UBE3D: variants seen among roughly 807,000 people sequenced by gnomAD.
UBE3D encodes E3 ubiquitin-protein ligase E3D.
Under a neutral mutation model 49.6 loss-of-function variants are expected in UBE3D, and 48 were observed. The observed-to-expected ratio is 0.97, with a 90% CI of 0.77 to 1.23. The LOEUF is 1.23. Among genes scored for constraint, UBE3D ranks in the 50% most tolerant of loss-of-function variants. The pLI is 0.00. For synonymous variants in UBE3D, 189 were observed against 174.2 expected, an observed-to-expected ratio of 1.08 and a Z score of -0.67; for missense variants, 452 against 468.4, an observed-to-expected ratio of 0.96 and a Z score of 0.32.
chr6:82,923,298 T>G (rs923479883), intron 9 of UBE3D, among the ~76,000 whole-genome samples: 3 of 152,160 alleles, frequency 2.0e-5, no homozygotes, highest in Non-Finnish European at 4.4e-5. Flanking sequence ...AGCAAAGACT[T>G]GGAACCAACC....
At chr6:82,924,303 T>A (rs1033484346) in intron 9 of UBE3D, among the ~76,000 whole-genome samples, 7 of 152,324 alleles carry the variant, frequency 4.6e-5, no homozygotes, top group African/African-American at 1.7e-4. Flanking sequence ...TATAGGTTGA[T>A]ATGAACGTTT....
chr6:82,970,443 A>G (rs1260968338), intron 8 of UBE3D, among the ~76,000 whole-genome samples: 6 of 152,198 alleles, frequency 3.9e-5, no homozygotes, highest in Non-Finnish European at 5.9e-5. Flanking sequence ...ATGAATTTAC[A>G]AAAAGAGGAC....
intron 8 of UBE3D, among the ~76,000 whole-genome samples, chr6:82,993,760 C>T (rs955576173): frequency 1.3e-5 from 2 of 152,130 alleles, no homozygotes; most frequent in Non-Finnish European, 2.9e-5. Context: ...CAACTTTGGT[C>T]CAATTAATAA....
chr6:82,968,041 G>A (rs1405505226), intron 8 of UBE3D, among the ~76,000 whole-genome samples: 1 of 151,838 alleles, frequency 6.6e-6, no homozygotes, highest in African/African-American at 2.4e-5. Flanking sequence ...TTCAGTTTGG[G>A]GCTATTATAA....
At chr6:83,026,708 A>G (rs1781486390) in intron 5 of UBE3D, among the ~76,000 whole-genome samples, 1 of 152,032 alleles carries the variant, frequency 6.6e-6, no homozygotes, top group African/African-American at 2.4e-5. Flanking sequence ...TTATTTACTT[A>G]TTTAAGACAG....
At chr6:83,007,196 T>A (rs984613332) in intron 8 of UBE3D, among the ~76,000 whole-genome samples, 1 of 152,196 alleles carries the variant, frequency 6.6e-6, no homozygotes, top group East Asian at 1.9e-4. Flanking sequence ...AGTCTCTATA[T>A]TCTACTAAAG....
chr6:82,914,226 T>G (rs1466283691), intron 9 of UBE3D, among the ~76,000 whole-genome samples: 1 of 152,236 alleles, frequency 6.6e-6, no homozygotes, highest in Non-Finnish European at 1.5e-5. Context: ...AGATGCAGTC[T>G]GACTTTTAGA....
intron 9 of UBE3D, chr6:82,924,882 C>T (rs1773630667): frequency 6.6e-6 from 1 of 152,134 alleles, no homozygotes. Context: ...TCTGGTCATG[C>T]TTTTCCTAAG....
intron 9 of UBE3D, among the ~76,000 whole-genome samples, chr6:82,912,093 A>G (rs1772569156): frequency 1.3e-5 from 2 of 151,908 alleles, no homozygotes; most frequent in Non-Finnish European, 1.5e-5. Context: ...ATTAGAACCC[A>G]TTCTTTGGCT....
chr6:83,051,495 T>G, intron 3 of UBE3D, among the ~76,000 whole-genome samples: 1 of 152,228 alleles, frequency 6.6e-6, no homozygotes, highest in East Asian at 1.9e-4. Context: ...TATCCTTTAC[T>G]GTAAGCAGAA....
intron 8 of UBE3D, among the ~76,000 whole-genome samples, chr6:83,007,433 C>A (rs1417158451): frequency 3.9e-5 from 6 of 152,234 alleles, no homozygotes; most frequent in East Asian, 1.9e-4. Flanking sequence ...AAAAACACTT[C>A]TTTACTCCCT....
intron 9 of UBE3D, among the ~76,000 whole-genome samples, chr6:82,955,136 C>T (rs1175306142): frequency 2.0e-5 from 3 of 151,862 alleles, no homozygotes; most frequent in Non-Finnish European, 4.4e-5. Context: ...AGGCTTCATG[C>T]ACCTGTGTTT....
chr6:82,951,149 G>T (rs1775767443), intron 9 of UBE3D, among the ~76,000 whole-genome samples: 2 of 152,184 alleles, frequency 1.3e-5, no homozygotes, highest in African/African-American at 4.8e-5. Context: ...TGAGGTGACA[G>T]ATACCATATT....
intron 4 of UBE3D, 104 bp downstream of exon 4, chr6:83,044,324 C>T (rs1291314009): frequency 9.0e-7 from 1 of 1,115,236 alleles, no homozygotes; most frequent in Non-Finnish European, 1.3e-6. Flanking sequence ...GAATTTTGGC[C>T]TTTACAGCAG....
At position 82,924,493 on chromosome 6, in the gene UBE3D, G is replaced by T. The variant is rs149949109; in HGVS notation, c.1150-31451C>A. Among the ~76,000 whole-genome samples, 86 of 152,172 alleles carry T rather than the reference G, an allele frequency of 5.7e-4. 1 individual carries two copies. In the East Asian group the frequency reaches 0.014, roughly 25 times the overall value. On this transcript the variant is annotated intron_variant, in intron 9 of 9. Coordinates refer to ENST00000369747, the MANE Select transcript of UBE3D (RefSeq NM_198920.3). ...GCATAGTAACTTTGTTTAGTTTCTAGTATCACAAATTCAAAACACTATTTT... is the reference window on the plus strand; with the variant it reads ...GCATAGTAACTTTGTTTAGTTTCTATTATCACAAATTCAAAACACTATTTT...
chr6:82,905,140 T>A (rs1772008062), intron 9 of UBE3D, among the ~76,000 whole-genome samples: 2 of 152,214 alleles, frequency 1.3e-5, no homozygotes, highest in Non-Finnish European at 2.9e-5. Context: ...CCTTTACTAA[T>A]ACAGGCACAT....
chr6:83,065,763 G>A lies in UBE3D; in HGVS notation c.-45C>T, dbSNP rs78551616. On this transcript the variant is annotated 5_prime_UTR_variant, in exon 1 of 10. Transcript: ENST00000369747. ...ACCGGACCAAGCTGGAGGTTCCGAG[G>A]GGCCCGGGTCAACAGGACCAGGAGA... is the stretch of plus-strand genomic sequence containing the variant. 3.5e-3 allele frequency: 5,532 copies of A among 1,569,318 alleles called. 191 individuals carry two copies. The African/African-American group carries it at 0.065, about 18-fold the overall frequency.
intron 8 of UBE3D, among the ~76,000 whole-genome samples, chr6:82,988,507 C>A (rs770086758): frequency 1.6e-4 from 25 of 151,936 alleles, no homozygotes; most frequent in Non-Finnish European, 3.1e-4. Context: ...GCAATGAAGA[C>A]AAATCTCTTA....
chr6:82,922,058 T>C (rs925557048), intron 9 of UBE3D, among the ~76,000 whole-genome samples: 3 of 152,102 alleles, frequency 2.0e-5, no homozygotes, highest in African/African-American at 7.2e-5. Flanking sequence ...AAATAAGAGA[T>C]TGGACATAGT....
Sources: gnomAD v4.1 joint callset for allele counts (sites outside exome capture counted in the v4.1 genomes callset) on GRCh38, gnomAD v4.1.1 for gene constraint, MANE v1.5 for transcripts, NCBI Gene and HGNC (gene_info 2026-07-23, HGNC 2026-07-21) for gene names.